The following OTUD4 variants were observed in gnomAD, a reference collection of about 807,000 sequenced individuals.
OTUD4 encodes the protein OTU deubiquitinase 4.
Under a neutral mutation model 130.4 loss-of-function variants are expected in OTUD4, and 24 were observed. The ratio of observed to expected loss-of-function variants is 0.18; its 90% CI spans 0.13 to 0.26. The LOEUF (loss-of-function observed/expected upper bound fraction) is 0.26. OTUD4 is among the 10% of genes least tolerant of loss of function. The probability of loss-of-function intolerance (pLI) is 1.00; values close to 1 mark genes in which losing one functional copy is unlikely to be tolerated. For synonymous variants in OTUD4, 420 were observed against 472.5 expected, an observed-to-expected ratio of 0.89 and a Z score of 1.44; for missense variants, 1,031 against 1,329.4, an observed-to-expected ratio of 0.78 and a Z score of 3.49.
At position 145,146,466 on chromosome 4, in the gene OTUD4, A is replaced by G; in HGVS notation, c.1260-37T>C. On this transcript the variant is annotated intron_variant, in intron 13 of 20. Coordinates refer to ENST00000447906, the MANE Select transcript of OTUD4 (RefSeq NM_001366057.1). ...AACATTCTTGTCAGAAAATACATAAATAAATAAATAAATAAATAAATAAAA... is the reference window on the plus strand; with the variant it reads ...AACATTCTTGTCAGAAAATACATAAGTAAATAAATAAATAAATAAATAAAA... 2.9e-6 allele frequency: 3 copies of G among 1,035,898 alleles called. 1 individual carries two copies. Among genetic ancestry groups the G allele is most frequent in the South Asian group, 4.3e-5 (2 of 46,126 alleles). The allele number at this position is 1,035,898 out of a possible 1,614,324, so 64.2% of individuals were successfully genotyped here.
At chr4:145,161,535 T>G (rs113509849) in intron 6 of OTUD4, among the ~76,000 whole-genome samples, 3 of 152,046 alleles carry the variant, frequency 2.0e-5, no homozygotes, top group Non-Finnish European at 4.4e-5. Context: ...AAGAAACTGG[T>G]AGGAAGGGTC....
intron 20 of OTUD4, among the ~76,000 whole-genome samples, chr4:145,138,869 C>T (rs36226995): frequency 4.2e-4 from 64 of 152,260 alleles, no homozygotes; most frequent in African/African-American, 1.5e-3. Flanking sequence ...GTCCTAAAAC[C>T]AATCTGAAGT....
chr4:145,168,231 T>C (rs889143399), intron 3 of OTUD4, among the ~76,000 whole-genome samples: 3 of 151,944 alleles, frequency 2.0e-5, no homozygotes, highest in Admixed American at 2.0e-4. Context: ...CAAAAGACAT[T>C]GTTAAGAAAA....
intron 3 of OTUD4, 126 bp from the exon 4 acceptor site, chr4:145,165,323 T>C (rs1272611280): frequency 9.0e-6 from 5 of 555,930 alleles, no homozygotes; most frequent in African/African-American, 1.9e-5. Flanking sequence ...ATTAGTAGTA[T>C]TGTGAATATT....
intron 2 of OTUD4, among the ~76,000 whole-genome samples, chr4:145,174,230 C>G (rs114135792): frequency 6.6e-6 from 1 of 152,130 alleles, no homozygotes; most frequent in South Asian, 2.1e-4. Context: ...CTTCACCTCC[C>G]AAAGTACTGG....
At chr4:145,171,822 A>T in intron 2 of OTUD4, 102 bp from the exon 3 acceptor site, 1 of 703,002 alleles carries the variant, frequency 1.4e-6, no homozygotes, top group East Asian at 2.6e-5. Context: ...GAGTTTGTAC[A>T]TAAACCTAAA....
At chr4:145,157,297 T>C (rs1751339490) in intron 7 of OTUD4, among the ~76,000 whole-genome samples, 1 of 152,166 alleles carries the variant, frequency 6.6e-6, no homozygotes, top group Admixed American at 6.5e-5. Context: ...ATTGTAATAC[T>C]CCCCAAGTAT....
chr4:145,141,986 G>T (rs1318281285), intron 18 of OTUD4, among the ~76,000 whole-genome samples: 1 of 152,154 alleles, frequency 6.6e-6, no homozygotes, highest in Non-Finnish European at 1.5e-5. Flanking sequence ...TCATGCTCCT[G>T]AGACTATGAG....
chr4:145,145,587 T>C (rs1750782835), intron 14 of OTUD4, among the ~76,000 whole-genome samples: 1 of 152,188 alleles, frequency 6.6e-6, no homozygotes, highest in Non-Finnish European at 1.5e-5. Context: ...TTCTGGATCA[T>C]AGGTCATTTG....
chr4:145,179,059 A>G (rs1402234593), intron 1 of OTUD4, among the ~76,000 whole-genome samples: 1 of 152,138 alleles, frequency 6.6e-6, no homozygotes, highest in Non-Finnish European at 1.5e-5. Context: ...ACATGGAATA[A>G]GCTCGCTCAA....
At chr4:145,147,247 T>C (rs962480182) in intron 13 of OTUD4, among the ~76,000 whole-genome samples, 3 of 152,188 alleles carry the variant, frequency 2.0e-5, no homozygotes, top group Non-Finnish European at 4.4e-5. Flanking sequence ...TATGATGTTA[T>C]CTGATTTTTT....
intron 1 of OTUD4, among the ~76,000 whole-genome samples, chr4:145,175,549 C>T (rs1448069870): frequency 6.9e-6 from 1 of 145,854 alleles, no homozygotes; most frequent in Non-Finnish European, 1.5e-5. Context: ...ACAACTATTT[C>T]TTTTTTTTTT....
At chr4:145,174,543 G>C (rs1028514904) in intron 2 of OTUD4, 118 bp downstream of exon 2, 2 of 604,170 alleles carry the variant, frequency 3.3e-6, no homozygotes, top group African/African-American at 1.9e-5. Context: ...TTTTTAATAA[G>C]TGTTATTTTC....
chr4:145,141,079 G>C (rs906052109), intron 19 of OTUD4, among the ~76,000 whole-genome samples: 2 of 147,454 alleles, frequency 1.4e-5, no homozygotes, highest in Admixed American at 1.4e-4. Context: ...TGAAGTGGGA[G>C]AATTGTTTGA....
chr4:145,159,943 A>C (rs188530624), intron 6 of OTUD4, among the ~76,000 whole-genome samples: 1 of 152,256 alleles, frequency 6.6e-6, no homozygotes, highest in South Asian at 2.1e-4. Flanking sequence ...GCCAAAACAC[A>C]CACACTGAGC....
At chr4:145,159,695 G>C in intron 6 of OTUD4, 60 bp from the exon 7 acceptor site, 4 of 1,505,116 alleles carry the variant, frequency 2.7e-6, no homozygotes, top group East Asian at 4.5e-5. Context: ...TTAAAAACAG[G>C]AACAGACCAT....
chr4:145,138,592 T>G lies in OTUD4; in HGVS notation c.2183A>C (p.Tyr728Ser), dbSNP rs1165860202. The G allele has an allele frequency of 5.0e-6, 8 of 1,613,764 alleles. No homozygotes were observed. In the South Asian group the frequency reaches 8.8e-5, roughly 18 times the overall value. Residue 728 changes from tyrosine (Y) to serine (S), a missense_variant, in exon 21 of 21, where the codon TAC (tyrosine) becomes TCC (serine). This residue lies in a region of OTUD4 where 900 missense variants were observed against 1,095.9 expected (regional missense o/e 0.82). Transcript: ENST00000447906. The stretch of plus-strand genomic sequence containing the variant: ...TGGGTACATCCTGCAGGCTGCCAGG[T>G]AGGCCTGGTGCAGAGGGTACAGGTA... ...HSYLYPLHQA[Y>S]LAACRMYPKV...
intron 1 of OTUD4, chr4:145,179,594 G>C: frequency 2.9e-6 from 4 of 1,377,580 alleles, no homozygotes; most frequent in Non-Finnish European, 1.9e-6. Flanking sequence ...CATCAGGAGA[G>C]AGACACCCCG....
At position 145,143,846 on chromosome 4, in the gene OTUD4, T is replaced by G; in HGVS notation, c.1602+100A>C. The G allele has an allele frequency of 3.5e-6, 3 of 855,808 alleles. No homozygotes were observed. In the South Asian group the frequency reaches 4.7e-5, roughly 13 times the overall value. The allele number at this position is 855,808 out of a possible 1,614,324, so 53.0% of individuals were successfully genotyped here. A position where few individuals can be genotyped will look rare whatever the true frequency, so the allele number is the denominator to read the frequency against. Reference sequence around the variant, plus strand: ...TTTCTACTTTCCTAATACACAGCTATAAAATTTCGAAATTATTTTCACCTT... The same window carrying G: ...TTTCTACTTTCCTAATACACAGCTAGAAAATTTCGAAATTATTTTCACCTT... On this transcript the variant is annotated intron_variant, in intron 16 of 20. Coordinates refer to ENST00000447906, the MANE Select transcript of OTUD4 (RefSeq NM_001366057.1).
Sources: allele counts gnomAD v4.1 joint callset (sites outside exome capture counted in the v4.1 genomes callset), GRCh38; gene constraint gnomAD v4.1.1; regional missense constraint gnomAD v4.1.1; transcripts MANE v1.5; gene names NCBI Gene and HGNC (gene_info 2026-07-23, HGNC 2026-07-21).